INO80E: variants seen among roughly 807,000 people sequenced by gnomAD.
INO80E encodes the protein coiled-coil domain containing 95.
A neutral mutation model predicts 27.3 loss-of-function variants in INO80E; 20 were observed. That is an observed-to-expected ratio of 0.73 (90% CI 0.51 to 1.06). The LOEUF (loss-of-function observed/expected upper bound fraction) is 1.06. Among genes scored for constraint, INO80E ranks in the 50% least tolerant of loss-of-function variants. INO80E has a pLI of 0.00. For synonymous variants in INO80E, 167 were observed against 145.9 expected (o/e 1.14, Z -1.04); for missense variants, 357 against 322.8 (o/e 1.11, Z -0.81).
At chr16:30,004,945 T>A (rs1299279046) in intron 6 of INO80E, among the ~76,000 whole-genome samples, 3 of 152,110 alleles carry the variant, frequency 2.0e-5, no homozygotes, top group South Asian at 2.1e-4. Flanking sequence ...CCCAGGCGCC[T>A]CCCTGGAGAG....
chr16:30,005,128 C>G, intron 6 of INO80E, 93 bp from the exon 7 acceptor site: 2 of 1,355,962 alleles, frequency 1.5e-6, no homozygotes, highest in Non-Finnish European at 1.9e-6. Flanking sequence ...CCTCTTCCCC[C>G]TCCCCAGAGC....
At chr16:30,000,348 C>T (rs1368453791) in intron 3 of INO80E, among the ~76,000 whole-genome samples, 2 of 152,054 alleles carry the variant, frequency 1.3e-5, no homozygotes, top group Non-Finnish European at 2.9e-5. Flanking sequence ...TCAGATTCCC[C>T]CGGGGCCCTT....
rs187062072 is a variant in INO80E, at chr16:29,997,308, C to G, written c.205+448C>G. Reference sequence around the variant, plus strand: ...CAATCTTTGAAGCACCTACTGAACTCTGCCATTGTAGTAGCAGCCGTACCC... The same window carrying G: ...CAATCTTTGAAGCACCTACTGAACTGTGCCATTGTAGTAGCAGCCGTACCC... On this transcript the variant is annotated intron_variant, in intron 3 of 6. Coordinates refer to ENST00000563197, the MANE Select transcript of INO80E (RefSeq NM_173618.3). Among the ~76,000 whole-genome samples, 61 of 152,274 alleles carry G rather than the reference C, an allele frequency of 4.0e-4. 2 individuals carry two copies. In the East Asian group the frequency reaches 0.011, roughly 28 times the overall value.
chr16:30,001,410 G>T lies in INO80E; in HGVS notation c.397-4G>T. Reference sequence around the variant, plus strand: ...CCCATCTCCATCCCCGCTCCCGCCCGCAGCTGGCCTCCTCCCGCTACCCCC... The same window carrying T: ...CCCATCTCCATCCCCGCTCCCGCCCTCAGCTGGCCTCCTCCCGCTACCCCC... On this transcript the variant is annotated splice_region_variant and splice_polypyrimidine_tract_variant and intron_variant, in intron 5 of 6. Coordinates refer to ENST00000563197, the MANE Select transcript of INO80E (RefSeq NM_173618.3). 1 of 1,584,648 alleles carries T rather than the reference G, an allele frequency of 6.3e-7. No individual in the cohort carries two copies. The highest frequency in any genetic ancestry group is 8.6e-7 in the Non-Finnish European group (1 of 1,163,992).
intron 2 of INO80E, 41 bp downstream of exon 2, chr16:29,996,658 G>C: frequency 1.3e-6 from 2 of 1,582,954 alleles, no homozygotes; most frequent in South Asian, 1.1e-5. Flanking sequence ...GTGCTTCCTA[G>C]GAAATCTACA....
intron 3 of INO80E, 138 bp from the exon 4 acceptor site, chr16:30,000,620 C>T (rs2070311455): frequency 3.0e-6 from 2 of 666,422 alleles, no homozygotes; most frequent in South Asian, 1.8e-5. Flanking sequence ...CCACCTCAGC[C>T]TCTCACAGTG....
In INO80E at chr16:30,001,545, G is replaced by A. The variant is rs770697161; in HGVS notation, c.513+15G>A. On this transcript the variant is annotated intron_variant, in intron 6 of 6. Transcript: ENST00000563197. ...GGAAACTCAAGGTACCCTGACGTGG[G>A]GGTGCTAGGGAGGGGCAGGACGGCA... 2.5e-6 allele frequency: 4 copies of A among 1,608,420 alleles called. No homozygotes were observed. The highest frequency in any genetic ancestry group is 3.3e-4 in the Middle Eastern group (2 of 6,014).
Position 29,996,243 on chromosome 16 carries a change from G to A in INO80E, c.-68G>A. 6.9e-7 allele frequency: 1 copy of A among 1,451,438 alleles called. No individual in the cohort carries two copies. 89.9% of individuals were successfully genotyped at this position (1,451,438 alleles called of 1,614,324 possible). A position where few individuals can be genotyped will look rare whatever the true frequency, so the allele number is the denominator to read the frequency against. On this transcript the variant is annotated 5_prime_UTR_variant, in exon 1 of 7. Coordinates refer to ENST00000563197, the MANE Select transcript of INO80E (RefSeq NM_173618.3). Reference sequence around the variant, plus strand: ...GCAGCGTCTCCGGAAGTGGAGGCGGGAGCGGCACGGCAGCCACTGCTTGGG... The same window carrying A: ...GCAGCGTCTCCGGAAGTGGAGGCGGAAGCGGCACGGCAGCCACTGCTTGGG...
At position 30,001,406 on chromosome 16, in the gene INO80E, G is replaced by A. The variant is rs771340805; in HGVS notation, c.397-8G>A. On this transcript the variant is annotated splice_region_variant and splice_polypyrimidine_tract_variant and intron_variant, in intron 5 of 6. Coordinates refer to ENST00000563197, the MANE Select transcript of INO80E (RefSeq NM_173618.3). ...GCCTCCCATCTCCATCCCCGCTCCCGCCCGCAGCTGGCCTCCTCCCGCTAC... is the reference window on the plus strand; with the variant it reads ...GCCTCCCATCTCCATCCCCGCTCCCACCCGCAGCTGGCCTCCTCCCGCTAC... The A allele has an allele frequency of 1.3e-5, 20 of 1,580,338 alleles. No homozygotes were observed. The highest frequency in any genetic ancestry group is 9.3e-5 in the East Asian group (4 of 43,240).
At chr16:29,996,928 C>A in intron 3 of INO80E, 68 bp downstream of exon 3, 1 of 1,502,050 alleles carries the variant, frequency 6.7e-7, no homozygotes. Context: ...CCTGGGCCCC[C>A]GCCTTTTAGG....
At chr16:29,996,916 T>C in intron 3 of INO80E, 56 bp downstream of exon 3, 4 of 1,554,916 alleles carry the variant, frequency 2.6e-6, no homozygotes, top group Non-Finnish European at 3.6e-6. Context: ...CTTAGCAAGC[T>C]TCCTGGGCCC....
chr16:29,998,813 A>G (rs942243365), intron 3 of INO80E, among the ~76,000 whole-genome samples: 5 of 152,172 alleles, frequency 3.3e-5, no homozygotes, highest in Non-Finnish European at 7.3e-5. Context: ...TGGGAGGCCG[A>G]GGCAGGCAGA....
At chr16:30,001,762 C>G (rs996731105) in intron 6 of INO80E, 4 of 510,126 alleles carry the variant, frequency 7.8e-6, no homozygotes, top group South Asian at 5.6e-5. Context: ...AGGGATCCCG[C>G]CCTTTCATGG....
Position 30,005,617 on chromosome 16 carries a change from G to C in INO80E, c.*175G>C. 3 of 663,090 alleles carry C rather than the reference G, an allele frequency of 4.5e-6. No homozygotes were observed. The highest frequency in any genetic ancestry group is 7.7e-6 in the Non-Finnish European group (3 of 391,818). 41.1% of individuals were successfully genotyped at this position (663,090 alleles called of 1,614,324 possible). A position where few individuals can be genotyped will look rare whatever the true frequency, so the allele number is the denominator to read the frequency against. ...GGTGTCCCCCAGGAGGGTGGCAGGG[G>C]CCCTGCCTTCAAACCCCGGCCCCCT... On this transcript the variant is annotated 3_prime_UTR_variant, in exon 7 of 7. Transcript: ENST00000563197.
In INO80E at chr16:29,996,307, G is replaced by A; in HGVS notation, c.-4G>A. On this transcript the variant is annotated 5_prime_UTR_variant, in exon 1 of 7. Coordinates refer to ENST00000563197, the MANE Select transcript of INO80E (RefSeq NM_173618.3). ...AGACTCTGGGCGCCACTCCCGGGCCGGTCATGAACGGGCCGGCGGACGGCG... is the reference window on the plus strand; with the variant it reads ...AGACTCTGGGCGCCACTCCCGGGCCAGTCATGAACGGGCCGGCGGACGGCG... 1 of 1,591,492 alleles carries A rather than the reference G, an allele frequency of 6.3e-7. No individual in the cohort carries two copies. The highest frequency in any genetic ancestry group is 8.6e-7 in the Non-Finnish European group (1 of 1,169,094).
Position 29,996,410 on chromosome 16 carries a change from A to G in INO80E, c.81+19A>G, listed in dbSNP as rs751569238. 2.5e-6 allele frequency: 4 copies of G among 1,577,152 alleles called. No individual in the cohort carries two copies. Among genetic ancestry groups the G allele is most frequent in the South Asian group, 1.2e-5 (1 of 86,642 alleles). On this transcript the variant is annotated intron_variant, in intron 1 of 6. Coordinates refer to ENST00000563197, the MANE Select transcript of INO80E (RefSeq NM_173618.3). ...CATCTACGTGAGTGCTGCCGCGGGA[A>G]GGCTGTGGGGGATGAGGCCTGGCGC...
chr16:30,000,612 ACCT>A, intron 3 of INO80E, 143 bp from the exon 4 acceptor site: 1 of 628,416 alleles, frequency 1.6e-6, no homozygotes, highest in Non-Finnish European at 2.8e-6. Context: ...CGATCTGGCC[ACCT>A]CAGCCTCTCA....
chr16:30,001,214 A>G (rs2070338714), intron 5 of INO80E, 174 bp downstream of exon 5: 1 of 1,485,306 alleles, frequency 6.7e-7, no homozygotes, highest in Non-Finnish European at 8.9e-7. Flanking sequence ...TGGTATAGGA[A>G]CGGGGCCAGG....
chr16:29,997,050 G>A (rs1291390922), intron 3 of INO80E, among the ~76,000 whole-genome samples, 190 bp downstream of exon 3: 5 of 152,242 alleles, frequency 3.3e-5, no homozygotes, highest in Non-Finnish European at 7.3e-5. Context: ...TTCAGGCACT[G>A]TGCTTGGCAC....
Sources: allele counts gnomAD v4.1 joint callset (sites outside exome capture counted in the v4.1 genomes callset), GRCh38; gene constraint gnomAD v4.1.1; transcripts MANE v1.5; gene names NCBI Gene and HGNC (gene_info 2026-07-23, HGNC 2026-07-21).